The following FBXO36 variants were observed in gnomAD, a reference collection of about 807,000 sequenced individuals.
The protein encoded by FBXO36 is F-box only protein 36.
A neutral mutation model predicts 17.0 loss-of-function variants in FBXO36; 18 were observed. The observed-to-expected ratio is 1.06, with a 90% CI of 0.73 to 1.57. FBXO36 has a LOEUF of 1.57. Among genes scored for constraint, FBXO36 ranks in the 40% most tolerant of loss-of-function variants. FBXO36 has a pLI of 0.00. For missense variants in FBXO36, 229 were observed against 221.9 expected, an observed-to-expected ratio of 1.03 and a Z score of -0.20; for synonymous variants, 83 against 85.3, an observed-to-expected ratio of 0.97 and a Z score of 0.15.
chr2:229,967,929 T>C (rs2077161851), intron 1 of FBXO36, among the ~76,000 whole-genome samples: 1 of 152,082 alleles, frequency 6.6e-6, no homozygotes, highest in Non-Finnish European at 1.5e-5. Flanking sequence ...TTTCTATTGA[T>C]TGTAATAGTT....
At chr2:229,922,722 A>T in intron 1 of FBXO36, 113 bp downstream of exon 1, 1 of 1,084,282 alleles carries the variant, frequency 9.2e-7, no homozygotes. Context: ...GGAAGCGCCC[A>T]GTCCCGGCTC....
chr2:229,957,660 A>G (rs1450441759), intron 1 of FBXO36, among the ~76,000 whole-genome samples: 1 of 152,186 alleles, frequency 6.6e-6, no homozygotes, highest in Admixed American at 6.6e-5. Flanking sequence ...GTAATAGGGA[A>G]TGAGTCAATA....
chr2:229,949,310 A>G (rs147739965), intron 1 of FBXO36, among the ~76,000 whole-genome samples: 2 of 152,296 alleles, frequency 1.3e-5, no homozygotes, highest in African/African-American at 4.8e-5. Context: ...CAGGGAATTT[A>G]CCCTAAGGAA....
At chr2:229,991,497 AAAG>A (rs1377887544) in intron 2 of FBXO36, among the ~76,000 whole-genome samples, 2 of 152,202 alleles carry the variant, frequency 1.3e-5, no homozygotes, top group Non-Finnish European at 2.9e-5. Context: ...TTAAGCTCAC[AAAG>A]AAGAAGTCAT....
intron 1 of FBXO36, among the ~76,000 whole-genome samples, chr2:229,961,208 C>T (rs774097302): frequency 6.6e-6 from 1 of 151,944 alleles, no homozygotes. Context: ...GAAATACTAC[C>T]TTTTCCATAT....
intron 2 of FBXO36, among the ~76,000 whole-genome samples, chr2:229,984,476 G>C (rs62191711): frequency 0.24 from 35,846 of 150,124 alleles, 4,531 homozygotes; most frequent in South Asian, 0.29. Context: ...CTGCAACGCC[G>C]CTCCCGGGTT....
intron 1 of FBXO36, among the ~76,000 whole-genome samples, chr2:229,967,007 G>T (rs111258869): frequency 1.3e-5 from 2 of 152,190 alleles, no homozygotes; most frequent in South Asian, 4.1e-4. Context: ...TCCTACCCAT[G>T]AGCATGGAAT....
At chr2:230,002,088 T>C (rs2077362133) in intron 3 of FBXO36, among the ~76,000 whole-genome samples, 1 of 152,154 alleles carries the variant, frequency 6.6e-6, no homozygotes, top group Non-Finnish European at 1.5e-5. Context: ...TCAGCCTGCC[T>C]CAGCTTCCCA....
At position 230,010,668 on chromosome 2, in the gene FBXO36, A is replaced by G. The variant is rs368998145; in HGVS notation, c.379-28A>G. On this transcript the variant is annotated intron_variant, in intron 3 of 3. Transcript: ENST00000283946. The stretch of plus-strand genomic sequence containing the variant: ...AATGAGTTAACACATGTGTGCTGTA[A>G]CCCACCTCTGACTTTTCCCACCCAC... The G allele has an allele frequency of 5.6e-5, 88 of 1,583,422 alleles. No individual in the cohort carries two copies. The African/African-American group carries it at 1.0e-3, about 18-fold the overall frequency.
rs375226041 is a variant in FBXO36, at chr2:229,976,380, T to G, written c.205+31T>G. ...GAACGGAACATATTATATACCCCTG[T>G]TAAGTTCTCATTAGTTAGTGGTAGA... On this transcript the variant is annotated intron_variant, in intron 2 of 3. Coordinates refer to ENST00000283946, the MANE Select transcript of FBXO36 (RefSeq NM_174899.5). The G allele has an allele frequency of 4.2e-5, 60 of 1,443,446 alleles. No homozygotes were observed. The African/African-American group carries it at 6.0e-4, about 15-fold the overall frequency. 89.4% of individuals were successfully genotyped at this position (1,443,446 alleles called of 1,614,324 possible). A position where few individuals can be genotyped will look rare whatever the true frequency, so the allele number is the denominator to read the frequency against.
intron 1 of FBXO36, among the ~76,000 whole-genome samples, chr2:229,942,477 C>G (rs1202811820): frequency 6.6e-6 from 1 of 152,114 alleles, no homozygotes; most frequent in Non-Finnish European, 1.5e-5. Flanking sequence ...GAGTCTGTAT[C>G]CTGAGAAATT....
rs536797581 is a variant in FBXO36, at chr2:229,963,865, A to G, written c.97-12376A>G. 5.3e-5 allele frequency among the ~76,000 whole-genome samples: 8 copies of G among 152,302 alleles called. No homozygotes were observed. In the East Asian group the frequency reaches 1.5e-3, roughly 29 times the overall value. On this transcript the variant is annotated intron_variant, in intron 1 of 3. Transcript: ENST00000283946. Reference sequence around the variant, plus strand: ...ATTAGATTATGCCAAATTTCCCTCCATACATTTTGTACCACAGTGGTGAGT... The same window carrying G: ...ATTAGATTATGCCAAATTTCCCTCCGTACATTTTGTACCACAGTGGTGAGT...
At chr2:229,952,130 G>A (rs1486930014) in intron 1 of FBXO36, among the ~76,000 whole-genome samples, 1 of 151,962 alleles carries the variant, frequency 6.6e-6, no homozygotes, top group East Asian at 1.9e-4. Flanking sequence ...TAAATTGTAT[G>A]TTTGAAAATT....
chr2:229,937,529 A>G (rs1169911335), intron 1 of FBXO36, among the ~76,000 whole-genome samples: 3 of 152,088 alleles, frequency 2.0e-5, no homozygotes, highest in Non-Finnish European at 4.4e-5. Context: ...AATAATAAAA[A>G]CCAATAACTT....
intron 1 of FBXO36, among the ~76,000 whole-genome samples, chr2:229,958,170 A>C: frequency 6.6e-6 from 1 of 151,576 alleles, no homozygotes; most frequent in East Asian, 1.9e-4. Flanking sequence ...AAATTAAAAA[A>C]AAAATTTTTT....
At position 230,003,619 on chromosome 2, in the gene FBXO36, A is replaced by G. The variant is rs369668710; in HGVS notation, c.378+6696A>G. Among the ~76,000 whole-genome samples, 18 of 150,978 alleles carry G rather than the reference A, an allele frequency of 1.2e-4. No individual in the cohort carries two copies. The East Asian group carries it at 1.6e-3, about 13-fold the overall frequency. On this transcript the variant is annotated intron_variant, in intron 3 of 3. Coordinates refer to ENST00000283946, the MANE Select transcript of FBXO36 (RefSeq NM_174899.5). ...GTGATCTCAACTCACTGCAACCTCC[A>G]CCTCCCAGGTTCAACTGATTCTCCT...
intron 1 of FBXO36, among the ~76,000 whole-genome samples, chr2:229,954,818 A>G (rs1260982620): frequency 6.7e-6 from 1 of 149,952 alleles, no homozygotes; most frequent in Non-Finnish European, 1.5e-5. Flanking sequence ...AAGTGCTGGG[A>G]TTACAGGCGT....
chr2:229,979,606 C>A (rs1431515141), intron 2 of FBXO36, among the ~76,000 whole-genome samples: 1 of 151,630 alleles, frequency 6.6e-6, no homozygotes, highest in African/African-American at 2.4e-5. Flanking sequence ...ATGGTGAAAC[C>A]CTGTCTCTAC....
At chr2:229,991,048 A>G (rs1577358311) in intron 2 of FBXO36, among the ~76,000 whole-genome samples, 1 of 148,490 alleles carries the variant, frequency 6.7e-6, no homozygotes, top group Non-Finnish European at 1.5e-5. Context: ...CAATTCTTCC[A>G]CCTCAGCCTC....
Sources: gnomAD v4.1 joint callset for allele counts (sites outside exome capture counted in the v4.1 genomes callset) on GRCh38, gnomAD v4.1.1 for gene constraint, MANE v1.5 for transcripts, NCBI Gene and HGNC (gene_info 2026-07-23, HGNC 2026-07-21) for gene names.